ARHGEF26: variants seen among roughly 807,000 people sequenced by gnomAD.
The protein encoded by ARHGEF26 is Rho guanine nucleotide exchange factor (GEF) 26.
ARHGEF26 carries 59 observed loss-of-function variants against 89.4 expected under a neutral mutation model. That is an observed-to-expected ratio of 0.66 (90% CI 0.54 to 0.82). The LOEUF is 0.82. Ranked by LOEUF, ARHGEF26 falls within the 40% of genes least tolerant of loss-of-function variation. ARHGEF26 has a pLI of 0.00. For missense variants in ARHGEF26, 1,234 were observed against 1,085.6 expected, an observed-to-expected ratio of 1.14 and a Z score of -1.92; for synonymous variants, 500 against 428.4, an observed-to-expected ratio of 1.17 and a Z score of -2.06.
In ARHGEF26 at chr3:154,225,847, C is replaced by A. The variant is rs1317218495; in HGVS notation, c.1936-9C>A. The A allele has an allele frequency of 1.9e-6, 3 of 1,578,266 alleles. No homozygotes were observed. The South Asian group carries it at 3.5e-5, about 18-fold the overall frequency. On this transcript the variant is annotated splice_polypyrimidine_tract_variant and intron_variant, in intron 10 of 14. Transcript: ENST00000465093. ...TAGCTTTGGTCACTGGGTTTTTCTC[C>A]TTTTGTAGCCTTTTCCTTTAGTCTC...
rs180854961 is a variant in ARHGEF26, at chr3:154,184,795, C to G, written c.1488-2890C>G. ...TTTCTCGGATTGAGTGATTTATTGG[C>G]TTCCACACCTCCAGTGGTTTCTTAT... On this transcript the variant is annotated intron_variant, in intron 6 of 14. Transcript: ENST00000465093. Among the ~76,000 whole-genome samples, 4 of 152,330 alleles carry G rather than the reference C, an allele frequency of 2.6e-5. No homozygotes were observed. In the East Asian group the frequency reaches 7.7e-4, roughly 29 times the overall value.
intron 5 of ARHGEF26, 63 bp from the exon 6 acceptor site, chr3:154,152,709 A>G (rs775053059): frequency 6.6e-6 from 8 of 1,215,540 alleles, no homozygotes; most frequent in Non-Finnish European, 8.6e-6. Context: ...CAAAATTATG[A>G]GAGCTATATT....
chr3:154,226,028 G>A lies in ARHGEF26; in HGVS notation c.2090+18G>A, dbSNP rs756339655. The A allele has an allele frequency of 1.3e-6, 2 of 1,598,738 alleles. No individual in the cohort carries two copies. Among genetic ancestry groups the A allele is most frequent in the Non-Finnish European group, 1.7e-6 (2 of 1,173,266 alleles). On this transcript the variant is annotated intron_variant, in intron 11 of 14. Coordinates refer to ENST00000465093, the MANE Select transcript of ARHGEF26 (RefSeq NM_015595.4). ...AAGAAGAGGTAAGTCTTTATCTGGT[G>A]TTGCTGACTAGACATTCCAGTTTTA...
chr3:154,197,450 C>T (rs1219734172), intron 9 of ARHGEF26, among the ~76,000 whole-genome samples: 1 of 151,938 alleles, frequency 6.6e-6, no homozygotes, highest in African/African-American at 2.4e-5. Flanking sequence ...TGGGAGTTCC[C>T]AATATTTTAT....
Position 154,217,936 on chromosome 3 carries a change from C to T in ARHGEF26, c.1913C>T (p.Ser638Phe), listed in dbSNP as rs1329360019. 1.9e-6 allele frequency: 3 copies of T among 1,595,666 alleles called. No individual in the cohort carries two copies. The South Asian group carries it at 3.4e-5, about 18-fold the overall frequency. Residue 638 changes from serine (S) to phenylalanine (F), a missense_variant, in exon 10 of 15, where the codon TCC becomes TTC. By Grantham distance (155) the Ser-to-Phe change is radical. Coordinates refer to ENST00000465093, the MANE Select transcript of ARHGEF26 (RefSeq NM_015595.4). ...ERTEMMYTIN[S>F]QLEFKIKPFP... ...ACTGAGATGATGTACACAATTAACTCCCAGCTGGAATTTAAAATTAAGGTA... is the reference window on the plus strand; with the variant it reads ...ACTGAGATGATGTACACAATTAACTTCCAGCTGGAATTTAAAATTAAGGTA...
intron 4 of ARHGEF26, among the ~76,000 whole-genome samples, chr3:154,139,020 T>TC (rs1439644226): frequency 1.3e-5 from 2 of 152,278 alleles, no homozygotes; most frequent in Non-Finnish European, 2.9e-5. Context: ...CAAGGTGCGG[T>TC]CAGTGGAGAG....
intron 6 of ARHGEF26, among the ~76,000 whole-genome samples, chr3:154,158,384 T>C (rs1242245340): frequency 6.6e-6 from 1 of 152,228 alleles, no homozygotes; most frequent in Non-Finnish European, 1.5e-5. Flanking sequence ...GTTTGTTTTC[T>C]AACCCTCCTT....
At chr3:154,171,927 A>G (rs1172235555) in intron 6 of ARHGEF26, among the ~76,000 whole-genome samples, 2 of 151,704 alleles carry the variant, frequency 1.3e-5, no homozygotes, top group Admixed American at 6.6e-5. Flanking sequence ...GTAGAAGGAA[A>G]CCCCGGATTA....
chr3:154,123,789 A>G (rs912264049), intron 2 of ARHGEF26, among the ~76,000 whole-genome samples: 2 of 152,176 alleles, frequency 1.3e-5, no homozygotes, highest in African/African-American at 4.8e-5. Context: ...TTGCTCCCCT[A>G]TATTGTCCCA....
chr3:154,184,911 T>C (rs1400721616), intron 6 of ARHGEF26, among the ~76,000 whole-genome samples: 6 of 152,222 alleles, frequency 3.9e-5, no homozygotes, highest in Non-Finnish European at 7.3e-5. Context: ...TCTGTGCCCT[T>C]GTTCCTCCTG....
At chr3:154,147,151 TCCCA>T (rs1312748077) in intron 4 of ARHGEF26, among the ~76,000 whole-genome samples, 4 of 152,178 alleles carry the variant, frequency 2.6e-5, no homozygotes, top group African/African-American at 9.7e-5. Flanking sequence ...ACGTCTGTAA[TCCCA>T]GCACTTTGGG....
intron 7 of ARHGEF26, among the ~76,000 whole-genome samples, chr3:154,188,828 T>A (rs913025851): frequency 8.5e-5 from 9 of 105,558 alleles, no homozygotes; most frequent in African/African-American, 3.7e-4. Flanking sequence ...TCATGACATT[T>A]TCATATAGCC....
chr3:154,185,225 TC>T (rs1365650830), intron 6 of ARHGEF26, among the ~76,000 whole-genome samples: 1 of 152,094 alleles, frequency 6.6e-6, no homozygotes, highest in Admixed American at 6.6e-5. Flanking sequence ...GTCCTACAGT[TC>T]CGGTCCTACA....
At chr3:154,121,822 A>C in intron 1 of ARHGEF26, 120 bp from the exon 2 acceptor site, 1 of 860,990 alleles carries the variant, frequency 1.2e-6, no homozygotes, top group Non-Finnish European at 1.7e-6. Flanking sequence ...AAGGGCGGGT[A>C]AGTGCGGTGC....
At chr3:154,161,978 C>T (rs1223860971) in intron 6 of ARHGEF26, among the ~76,000 whole-genome samples, 2 of 152,132 alleles carry the variant, frequency 1.3e-5, no homozygotes, top group Non-Finnish European at 2.9e-5. Context: ...AATTCTAAGT[C>T]TGTGGATTCT....
Position 154,122,211 on chromosome 3 carries a change from C to G in ARHGEF26, c.219C>G (p.Asp73Glu), listed in dbSNP as rs750433903. 6.2e-7 allele frequency: 1 copy of G among 1,606,476 alleles called. No homozygotes were observed. Among genetic ancestry groups the G allele is most frequent in the South Asian group, 1.1e-5 (1 of 89,944 alleles). The change falls in exon 2 of 15, where the codon GAC (aspartate) becomes GAG (glutamate). Residue 73 changes from aspartate to glutamate, a missense_variant. Asp to Glu is a conservative substitution (Grantham distance 45). Transcript: ENST00000465093. ...CCGCCCAGGTGCCCACCGCCTCGGA[C>G]AGCAGGACGGTACATAGGAGCCCCC... ...QIPAQVPTAS[D>E]SRTVHRSPLL...
At chr3:154,130,160 T>TTTTTTTTTG (rs1718598887) in intron 4 of ARHGEF26, among the ~76,000 whole-genome samples, 2 of 147,134 alleles carry the variant, frequency 1.4e-5, no homozygotes, top group Admixed American at 6.8e-5. Context: ...TTTTTTTTTT[T>TTTTTTTTTG]TTTTGAGATG....
At chr3:154,248,638 A>G (rs1717937067) in intron 12 of ARHGEF26, among the ~76,000 whole-genome samples, 2 of 152,172 alleles carry the variant, frequency 1.3e-5, no homozygotes, top group South Asian at 4.2e-4. Context: ...ATCAGCAGGA[A>G]AACATCATTG....
chr3:154,218,793 G>C (rs1715938725), intron 10 of ARHGEF26, among the ~76,000 whole-genome samples: 1 of 152,180 alleles, frequency 6.6e-6, no homozygotes, highest in African/African-American at 2.4e-5. Context: ...ATATATACTA[G>C]AATTGAGGAT....
Sources: allele counts gnomAD v4.1 joint callset (sites outside exome capture counted in the v4.1 genomes callset), GRCh38; gene constraint gnomAD v4.1.1; transcripts MANE v1.5; gene names NCBI Gene and HGNC (gene_info 2026-07-23, HGNC 2026-07-21).